Variants in ZNF423 observed in about 807,000 individuals in gnomAD.
The protein encoded by ZNF423 is zinc finger protein 423, also known as Ebf-associated zinc finger protein.
In ZNF423, 12 loss-of-function variants were observed where a neutral mutation model predicts 95.8. The ratio of observed to expected loss-of-function variants is 0.13; its 90% CI spans 0.08 to 0.20. The LOEUF is 0.20. Ranked by LOEUF, ZNF423 falls within the 10% of genes least tolerant of loss-of-function variation. The pLI is 1.00. For missense variants in ZNF423, 1,316 were observed against 1,737.1 expected (o/e 0.76, Z 4.31); for synonymous variants, 749 against 711.9 (o/e 1.05, Z -0.83).
chr16:49,702,337 T>C (rs1036746021), intron 3 of ZNF423, among the ~76,000 whole-genome samples: 10 of 152,280 alleles, frequency 6.6e-5, no homozygotes, highest in African/African-American at 2.2e-4. Flanking sequence ...GGGAGAAGTG[T>C]TCTCCAAATC....
Position 49,794,001 on chromosome 16 carries a change from C to G in ZNF423, c.41-4455G>C, listed in dbSNP as rs112254208. On this transcript the variant is annotated intron_variant, in intron 1 of 7. Coordinates refer to ENST00000563137, the MANE Select transcript of ZNF423 (RefSeq NM_001379286.1). ...AAGATCTGTTACCTACTTAAGACCT[C>G]TCTGTCTCTGTCTGTCTCTGTCTCT... is the stretch of plus-strand genomic sequence containing the variant. Among the ~76,000 whole-genome samples, 17 of 146,398 alleles carry G rather than the reference C, an allele frequency of 1.2e-4. No individual in the cohort carries two copies. The South Asian group carries it at 3.7e-3, about 32-fold the overall frequency.
chr16:49,777,492 A>C (rs1407354263), intron 2 of ZNF423, among the ~76,000 whole-genome samples: 3 of 152,220 alleles, frequency 2.0e-5, no homozygotes, highest in African/African-American at 7.2e-5. Flanking sequence ...ACACATCACC[A>C]CCAAAGAGCA....
intron 2 of ZNF423, among the ~76,000 whole-genome samples, chr16:49,739,686 T>C (rs1464429128): frequency 1.6e-5 from 2 of 127,854 alleles, no homozygotes; most frequent in Non-Finnish European, 3.1e-5. Context: ...TGTTTTTTTG[T>C]TTTTGTTTGG....
At chr16:49,730,750 C>T in intron 3 of ZNF423, 21 bp downstream of exon 3, 1 of 1,614,160 alleles carries the variant, frequency 6.2e-7, no homozygotes, top group Non-Finnish European at 8.5e-7. Context: ...CTGTCAGAGT[C>T]CTGGGGCTGT....
chr16:49,815,911 TA>T (rs1451492593), intron 1 of ZNF423, among the ~76,000 whole-genome samples: 434 of 41,174 alleles, frequency 0.011, 1 homozygote, highest in African/African-American at 0.023. Flanking sequence ...TATATATATA[TA>T]TATTTTTTTT....
chr16:49,668,081 G>A (rs1032028228), intron 3 of ZNF423, among the ~76,000 whole-genome samples: 1 of 152,116 alleles, frequency 6.6e-6, no homozygotes, highest in Non-Finnish European at 1.5e-5. Context: ...CAGCAGGTAG[G>A]AGAGCCTGAA....
intron 1 of ZNF423, among the ~76,000 whole-genome samples, chr16:49,835,699 C>T (rs977259633): frequency 6.6e-6 from 1 of 152,350 alleles, no homozygotes; most frequent in Non-Finnish European, 1.5e-5. Flanking sequence ...CAGAAACCTC[C>T]AGGGTCCCCA....
At chr16:49,720,065 A>C (rs1289102866) in intron 3 of ZNF423, among the ~76,000 whole-genome samples, 1 of 152,148 alleles carries the variant, frequency 6.6e-6, no homozygotes, top group Non-Finnish European at 1.5e-5. Context: ...AGGGCTTGAC[A>C]CACCATTACC....
chr16:49,739,105 C>T (rs1333120025), intron 2 of ZNF423, among the ~76,000 whole-genome samples: 1 of 152,168 alleles, frequency 6.6e-6, no homozygotes, highest in East Asian at 1.9e-4. Flanking sequence ...AATCCACACT[C>T]CACCATTTAG....
rs181288987 is a variant in ZNF423, at chr16:49,726,693, C to T, written c.301+4078G>A. Among the ~76,000 whole-genome samples the T allele has an allele frequency of 3.4e-4, 52 of 151,804 alleles. 2 individuals are homozygous for T. Among genetic ancestry groups the T allele is most frequent in the African/African-American group, 1.2e-3 (49 of 41,352 alleles). On this transcript the variant is annotated intron_variant, in intron 3 of 7. Coordinates refer to ENST00000563137, the MANE Select transcript of ZNF423 (RefSeq NM_001379286.1). ...AATGTCTCCATTAGGAACAGAGAAGCCCATCACACTTACCCAGTCAGCCCC... is the reference window on the plus strand; with the variant it reads ...AATGTCTCCATTAGGAACAGAGAAGTCCATCACACTTACCCAGTCAGCCCC...
At chr16:49,754,207 C>T (rs1335102248) in intron 2 of ZNF423, among the ~76,000 whole-genome samples, 1 of 150,198 alleles carries the variant, frequency 6.7e-6, no homozygotes, top group African/African-American at 2.5e-5. Context: ...AACCTGCCCT[C>T]TCTCTACACA....
intron 5 of ZNF423, among the ~76,000 whole-genome samples, chr16:49,572,009 T>G (rs555775938): frequency 6.6e-6 from 1 of 152,332 alleles, no homozygotes; most frequent in African/African-American, 2.4e-5. Context: ...GCACCGTGTG[T>G]ACTAAGGGGC....
intron 5 of ZNF423, among the ~76,000 whole-genome samples, chr16:49,545,080 C>T (rs928052205): frequency 1.3e-5 from 2 of 152,234 alleles, no homozygotes; most frequent in South Asian, 2.1e-4. Context: ...GATTGTCCCA[C>T]GTGGCTGATC....
chr16:49,740,376 T>A (rs190196447), intron 2 of ZNF423, among the ~76,000 whole-genome samples: 1 of 152,058 alleles, frequency 6.6e-6, no homozygotes, highest in East Asian at 1.9e-4. Flanking sequence ...CCGGGAGGGG[T>A]GTGGCCAGGG....
chr16:49,800,241 C>G (rs2034561287), intron 1 of ZNF423, among the ~76,000 whole-genome samples: 1 of 147,266 alleles, frequency 6.8e-6, no homozygotes, highest in African/African-American at 2.5e-5. Context: ...GAGGCTCTGT[C>G]TCAAAAAAAA....
At chr16:49,714,814 T>C (rs1231275369) in intron 3 of ZNF423, among the ~76,000 whole-genome samples, 1 of 152,070 alleles carries the variant, frequency 6.6e-6, no homozygotes, top group Middle Eastern at 3.4e-3. Context: ...AACTGCCCCC[T>C]CCACTGAAGA....
At chr16:49,735,321 G>A (rs2033259604) in intron 2 of ZNF423, among the ~76,000 whole-genome samples, 1 of 152,138 alleles carries the variant, frequency 6.6e-6, no homozygotes, top group Non-Finnish European at 1.5e-5. Flanking sequence ...GGAAGTTGGG[G>A]CCCCATTACT....
chr16:49,744,467 G>A (rs2033480709), intron 2 of ZNF423, among the ~76,000 whole-genome samples: 2 of 151,942 alleles, frequency 1.3e-5, no homozygotes, highest in South Asian at 4.2e-4. Flanking sequence ...GGCCAGGTGG[G>A]GTGTCCCCAG....
chr16:49,708,691 C>T (rs1425024519), intron 3 of ZNF423, among the ~76,000 whole-genome samples: 1 of 152,202 alleles, frequency 6.6e-6, no homozygotes, highest in Non-Finnish European at 1.5e-5. Context: ...GCTACCCGCA[C>T]AGCCTTTCAC....
Sources: gnomAD v4.1 joint callset for allele counts (sites outside exome capture counted in the v4.1 genomes callset) on GRCh38, gnomAD v4.1.1 for gene constraint, MANE v1.5 for transcripts, NCBI Gene and HGNC (gene_info 2026-07-23, HGNC 2026-07-21) for gene names.